The following FAM171A1 variants were observed in gnomAD, a reference collection of about 807,000 sequenced individuals.
FAM171A1 encodes family with sequence similarity 171 member A1.
Under a neutral mutation model 74.9 loss-of-function variants are expected in FAM171A1, and 23 were observed. The ratio of observed to expected loss-of-function variants is 0.31; its 90% CI spans 0.22 to 0.44. FAM171A1 has a LOEUF of 0.44. Among genes scored for constraint, FAM171A1 ranks in the 20% least tolerant of loss-of-function variants. The pLI, the probability that FAM171A1 is intolerant of heterozygous loss-of-function variation, is 1.00. For missense variants in FAM171A1, 1,162 were observed against 1,159.2 expected (o/e 1.00, Z -0.03); for synonymous variants, 527 against 505.7 (o/e 1.04, Z -0.57).
At chr10:15,255,474 G>A (rs1834567882) in intron 3 of FAM171A1, among the ~76,000 whole-genome samples, 1 of 152,130 alleles carries the variant, frequency 6.6e-6, no homozygotes, top group Non-Finnish European at 1.5e-5. Context: ...CTTCCTACTT[G>A]TGATGGATTA....
rs545151535 is a variant in FAM171A1, at chr10:15,214,429, C to T, written c.1159G>A (p.Ala387Thr). The T allele has an allele frequency of 1.4e-5, 23 of 1,614,102 alleles. No individual in the cohort carries two copies. In the South Asian group the frequency reaches 2.4e-4, roughly 17 times the overall value. The change falls in exon 8 of 8, where the codon GCC (alanine) becomes ACC (threonine). Residue 387 changes from alanine (A) to threonine (T), a missense_variant. Ala to Thr is a moderately conservative substitution (Grantham distance 58). Coordinates refer to ENST00000378116, the MANE Select transcript of FAM171A1 (RefSeq NM_001010924.2). ...LSVTSHGRPE[A>T]PGTKELMSGV... Reference sequence around the variant, plus strand: ...CTCATCAGTTCCTTCGTGCCGGGGGCCTCGGGGCGGCCGTGGCTGGTGACG... The same window carrying T: ...CTCATCAGTTCCTTCGTGCCGGGGGTCTCGGGGCGGCCGTGGCTGGTGACG...
Position 15,213,002 on chromosome 10 carries a change from GTCTTCC to G in FAM171A1, c.2580_2585del (p.Glu860_Glu861del). Reference sequence around the variant, plus strand: ...CTTCTCCTTGGTCATCATCATCATCGTCTTCCTCTTCCTCGTGGGCAGATCTTCTCT... The same window carrying G: ...CTTCTCCTTGGTCATCATCATCATCGTCTTCCTCGTGGGCAGATCTTCTCT... On this transcript the variant is annotated inframe_deletion, in exon 8 of 8. Coordinates refer to ENST00000378116, the MANE Select transcript of FAM171A1 (RefSeq NM_001010924.2). The surrounding 1 kb of genome is among the most constrained non-coding windows in gnomAD (Gnocchi z 6.8). The G allele has an allele frequency of 6.2e-7, 1 of 1,613,886 alleles. No individual in the cohort carries two copies.
intron 1 of FAM171A1, among the ~76,000 whole-genome samples, chr10:15,303,335 A>G (rs929385398): frequency 6.6e-6 from 1 of 152,198 alleles, no homozygotes; most frequent in Non-Finnish European, 1.5e-5. Context: ...TGCTTCATCT[A>G]TGGGGGAATA....
intron 1 of FAM171A1, among the ~76,000 whole-genome samples, chr10:15,289,301 A>G (rs149865893): frequency 3.3e-5 from 5 of 152,072 alleles, no homozygotes; most frequent in African/African-American, 1.2e-4. Context: ...AAGACCCCAT[A>G]AACGGTCCCA....
chr10:15,225,184 G>C (rs1379516639), intron 5 of FAM171A1, among the ~76,000 whole-genome samples: 1 of 152,188 alleles, frequency 6.6e-6, no homozygotes, highest in African/African-American at 2.4e-5. Context: ...CGTTCCTTTT[G>C]TTTTCTTCTC....
intron 1 of FAM171A1, among the ~76,000 whole-genome samples, chr10:15,351,240 C>T (rs1835872732): frequency 6.6e-6 from 1 of 152,124 alleles, no homozygotes; most frequent in Non-Finnish European, 1.5e-5. Context: ...CTTTGTGAGC[C>T]CAGGAACTGG....
chr10:15,316,835 C>T (rs901966504), intron 1 of FAM171A1, among the ~76,000 whole-genome samples: 8 of 152,188 alleles, frequency 5.3e-5, no homozygotes, highest in Non-Finnish European at 4.4e-5. Flanking sequence ...AAGTCTCCAA[C>T]GCACATGTGC....
At chr10:15,262,120 CA>C (rs1834665514) in intron 3 of FAM171A1, among the ~76,000 whole-genome samples, 2 of 152,070 alleles carry the variant, frequency 1.3e-5, no homozygotes, top group South Asian at 4.2e-4. Context: ...GCCAATGAAT[CA>C]ATCAATCAAT....
intron 1 of FAM171A1, among the ~76,000 whole-genome samples, chr10:15,287,144 T>C (rs1835045796): frequency 6.9e-6 from 1 of 144,742 alleles, no homozygotes; most frequent in Non-Finnish European, 1.5e-5. Context: ...CAGGCTAGAG[T>C]GCAGTGGTGC....
chr10:15,213,190 C>G lies in FAM171A1; in HGVS notation c.2398G>C (p.Glu800Gln), dbSNP rs540826835. Reference protein sequence around the residue: ...YLDDVEQSGSECGTTVCTPED... With the variant: ...YLDDVEQSGSQCGTTVCTPED... ...GGGGTACAGACCGTGGTCCCACATT[C>G]GCTACCACTCTGTTCCACGTCATCC... is the stretch of plus-strand genomic sequence containing the variant. Residue 800 changes from glutamate (E) to glutamine (Q), a missense_variant, in exon 8 of 8, where the codon GAA becomes CAA. Coordinates refer to ENST00000378116, the MANE Select transcript of FAM171A1 (RefSeq NM_001010924.2). This position sits in a 1 kb window ranked among gnomAD's most constrained non-coding sequence, Gnocchi z 6.8. 1 of 1,614,124 alleles carries G rather than the reference C, an allele frequency of 6.2e-7. No individual in the cohort carries two copies. The highest frequency in any genetic ancestry group is 1.3e-5 in the African/African-American group (1 of 75,054).
At chr10:15,342,100 T>C (rs920128721) in intron 1 of FAM171A1, among the ~76,000 whole-genome samples, 1 of 152,226 alleles carries the variant, frequency 6.6e-6, no homozygotes, top group Admixed American at 6.5e-5. Flanking sequence ...GCTACTTTGA[T>C]TGACATCATG....
chr10:15,318,347 A>C (rs1835447278), intron 1 of FAM171A1, among the ~76,000 whole-genome samples: 1 of 152,210 alleles, frequency 6.6e-6, no homozygotes, highest in South Asian at 2.1e-4. Flanking sequence ...CCTTCCCGGA[A>C]GGGAAAAGCT....
At chr10:15,327,257 T>C (rs1224439390) in intron 1 of FAM171A1, among the ~76,000 whole-genome samples, 2 of 152,172 alleles carry the variant, frequency 1.3e-5, no homozygotes, top group Non-Finnish European at 2.9e-5. Flanking sequence ...ACTCACCTCA[T>C]AGATTATTAG....
chr10:15,328,585 A>G (rs1382686534), intron 1 of FAM171A1, among the ~76,000 whole-genome samples: 1 of 152,232 alleles, frequency 6.6e-6, no homozygotes, highest in Non-Finnish European at 1.5e-5. Context: ...CTCAGGCAAC[A>G]GCATTAGCTC....
At chr10:15,368,612 C>T (rs546863436) in intron 1 of FAM171A1, among the ~76,000 whole-genome samples, 3 of 152,232 alleles carry the variant, frequency 2.0e-5, no homozygotes, top group African/African-American at 7.2e-5. Flanking sequence ...CTAAAGGTTG[C>T]GTTATGGTGT....
chr10:15,255,693 A>C (rs2131770138), intron 3 of FAM171A1, among the ~76,000 whole-genome samples: 1 of 148,802 alleles, frequency 6.7e-6, no homozygotes, highest in Admixed American at 6.7e-5. Context: ...CTTGTCGCCC[A>C]GGCTGGAGTG....
At chr10:15,291,845 C>T (rs1002256627) in intron 1 of FAM171A1, among the ~76,000 whole-genome samples, 1 of 152,186 alleles carries the variant, frequency 6.6e-6, no homozygotes, top group Admixed American at 6.5e-5. Context: ...CCCAGCCATG[C>T]GGCTGAGACC....
intron 3 of FAM171A1, among the ~76,000 whole-genome samples, chr10:15,270,828 A>G (rs1834814437): frequency 6.6e-6 from 1 of 152,230 alleles, no homozygotes; most frequent in African/African-American, 2.4e-5. Context: ...GACTGTTAGA[A>G]GGAAAACTAA....
chr10:15,294,192 T>G (rs1187482697), intron 1 of FAM171A1, among the ~76,000 whole-genome samples: 2 of 152,168 alleles, frequency 1.3e-5, no homozygotes, highest in Admixed American at 1.3e-4. Flanking sequence ...AAATGTCTTT[T>G]CTCATTAAAC....
Sources: gnomAD v4.1 joint callset for allele counts (sites outside exome capture counted in the v4.1 genomes callset) on GRCh38, gnomAD v4.1.1 for gene constraint, Gnocchi (gnomAD v3.1) non-coding constraint, MANE v1.5 for transcripts, NCBI Gene and HGNC (gene_info 2026-07-23, HGNC 2026-07-21) for gene names.